Variants in PCSK5 observed in about 807,000 individuals in gnomAD.
PCSK5 encodes the protein proprotein convertase subtilisin/kexin type 5.
A neutral mutation model predicts 233.2 loss-of-function variants in PCSK5; 129 were observed. The ratio of observed to expected loss-of-function variants is 0.55; its 90% CI spans 0.48 to 0.64. PCSK5 has a LOEUF of 0.64. PCSK5 is among the 30% of genes least tolerant of loss of function. The probability of loss-of-function intolerance (pLI) is 0.00; values close to 1 mark genes in which losing one functional copy is unlikely to be tolerated. For missense variants in PCSK5, 2,076 were observed against 2,430.1 expected (o/e 0.85, Z 3.06); for synonymous variants, 825 against 879.2 (o/e 0.94, Z 1.09).
chr9:76,026,223 A>G (rs186090542), intron 4 of PCSK5, among the ~76,000 whole-genome samples: 2 of 152,352 alleles, frequency 1.3e-5, no homozygotes, highest in Non-Finnish European at 2.9e-5. Flanking sequence ...TATTTTTCAC[A>G]ATCAGTTTTA....
At chr9:75,928,640 A>G (rs973124731) in intron 1 of PCSK5, among the ~76,000 whole-genome samples, 6 of 69,644 alleles carry the variant, frequency 8.6e-5, no homozygotes, top group African/African-American at 1.5e-4. Flanking sequence ...TATATATATA[A>G]TCCTAGAAGG....
chr9:76,031,140 A>G (rs914225556), intron 5 of PCSK5, among the ~76,000 whole-genome samples: 1 of 152,138 alleles, frequency 6.6e-6, no homozygotes, highest in African/African-American at 2.4e-5. Context: ...GTAGTCAGGC[A>G]TTTAGGATTA....
intron 34 of PCSK5, among the ~76,000 whole-genome samples, chr9:76,333,174 T>C (rs920580132): frequency 6.6e-6 from 1 of 152,190 alleles, no homozygotes; most frequent in Non-Finnish European, 1.5e-5. Context: ...CAAGACCTTG[T>C]TTCTAAAAAT....
At chr9:76,320,989 A>G (rs1242913329) in intron 30 of PCSK5, among the ~76,000 whole-genome samples, 4 of 150,618 alleles carry the variant, frequency 2.7e-5, no homozygotes, top group East Asian at 2.0e-4. Flanking sequence ...TAATTTTTGT[A>G]TTTTTTAGTA....
intron 9 of PCSK5, among the ~76,000 whole-genome samples, chr9:76,114,876 A>G (rs1832361984): frequency 6.6e-6 from 1 of 152,074 alleles, no homozygotes; most frequent in East Asian, 1.9e-4. Context: ...ATAAATATCC[A>G]GTTTGTGCTG....
intron 1 of PCSK5, among the ~76,000 whole-genome samples, chr9:75,915,710 T>C (rs1822957736): frequency 2.0e-5 from 3 of 152,208 alleles, no homozygotes; most frequent in Admixed American, 2.0e-4. Flanking sequence ...AAGCTTAATA[T>C]ATATTAAATG....
intron 11 of PCSK5, among the ~76,000 whole-genome samples, chr9:76,158,393 T>C (rs2131816443): frequency 6.6e-6 from 1 of 152,242 alleles, no homozygotes; most frequent in South Asian, 2.1e-4. Flanking sequence ...GAAACTTGAA[T>C]TATCCCAGAG....
Position 76,048,469 on chromosome 9 carries a change from T to C in PCSK5, c.633-19486T>C, listed in dbSNP as rs1024834046. The stretch of plus-strand genomic sequence containing the variant: ...AGATCTCAAATCATCATTAGTTTGT[T>C]CTGGCACTAAGTACGTGTGTACCTG... On this transcript the variant is annotated intron_variant, in intron 5 of 37. Coordinates refer to ENST00000674117, the MANE Select transcript of PCSK5 (RefSeq NM_001372043.1). Among the ~76,000 whole-genome samples the C allele has an allele frequency of 2.0e-5, 3 of 152,334 alleles. No homozygotes were observed. In the East Asian group the frequency reaches 5.8e-4, roughly 29 times the overall value.
chr9:76,336,544 G>A (rs751137096), intron 34 of PCSK5, among the ~76,000 whole-genome samples: 4 of 152,098 alleles, frequency 2.6e-5, no homozygotes, highest in Admixed American at 2.6e-4. Flanking sequence ...TAACAGTTAA[G>A]CTCAAATCAT....
chr9:76,220,526 C>CAAAAAAAAA (rs57063521), intron 20 of PCSK5, among the ~76,000 whole-genome samples: 1 of 100,520 alleles, frequency 9.9e-6, no homozygotes, highest in African/African-American at 4.1e-5. Flanking sequence ...GACTCTGTCT[C>CAAAAAAAAA]AAAAAAAAAA....
chr9:76,278,070 G>A (rs1484097366), intron 24 of PCSK5, among the ~76,000 whole-genome samples: 2 of 152,168 alleles, frequency 1.3e-5, no homozygotes, highest in African/African-American at 4.8e-5. Flanking sequence ...AAAGGGAGCA[G>A]TAGGACATCT....
At chr9:76,101,407 G>T (rs928363320) in intron 8 of PCSK5, among the ~76,000 whole-genome samples, 1 of 152,134 alleles carries the variant, frequency 6.6e-6, no homozygotes, top group African/African-American at 2.4e-5. Context: ...ACATGATAAA[G>T]CTGTTCATGT....
intron 24 of PCSK5, among the ~76,000 whole-genome samples, chr9:76,283,980 A>G (rs892696450): frequency 6.6e-6 from 1 of 152,208 alleles, no homozygotes. Flanking sequence ...TCTGGTTACA[A>G]TCTTAAGGAA....
At chr9:76,321,952 CT>C (rs899108283) in intron 31 of PCSK5, among the ~76,000 whole-genome samples, 51 of 149,548 alleles carry the variant, frequency 3.4e-4, no homozygotes, top group African/African-American at 1.0e-3. Context: ...ATGTTCTCAT[CT>C]TTTTTTTTTC....
chr9:75,963,844 A>T (rs1825461209), intron 2 of PCSK5, among the ~76,000 whole-genome samples: 2 of 152,292 alleles, frequency 1.3e-5, no homozygotes, highest in South Asian at 4.2e-4. Flanking sequence ...GTGCCATTGC[A>T]CTCCAGCCTG....
At chr9:76,277,955 G>A (rs577161484) in intron 24 of PCSK5, among the ~76,000 whole-genome samples, 5 of 152,300 alleles carry the variant, frequency 3.3e-5, no homozygotes, top group East Asian at 1.9e-4. Flanking sequence ...TGCTCAGTAA[G>A]TAAGTATATA....
intron 2 of PCSK5, among the ~76,000 whole-genome samples, chr9:75,969,331 C>T (rs1825722592): frequency 6.6e-6 from 1 of 152,100 alleles, no homozygotes; most frequent in African/African-American, 2.4e-5. Flanking sequence ...TTGTTTGAAG[C>T]AGAACATTTC....
At chr9:76,250,749 A>G (rs190528383) in intron 24 of PCSK5, among the ~76,000 whole-genome samples, 53 of 152,352 alleles carry the variant, frequency 3.5e-4, no homozygotes, top group African/African-American at 1.3e-3. Context: ...AAAAGACACT[A>G]GGTAAAAACT....
At chr9:76,294,247 A>G (rs2131411070) in intron 25 of PCSK5, among the ~76,000 whole-genome samples, 1 of 151,968 alleles carries the variant, frequency 6.6e-6, no homozygotes, top group South Asian at 2.1e-4. Flanking sequence ...GTTTCCCCTG[A>G]TATCATGCTG....
Sources: gnomAD v4.1 joint callset for allele counts (sites outside exome capture counted in the v4.1 genomes callset) on GRCh38, gnomAD v4.1.1 for gene constraint, MANE v1.5 for transcripts, NCBI Gene and HGNC (gene_info 2026-07-23, HGNC 2026-07-21) for gene names.